The following CDH12 variants were observed in gnomAD, a reference collection of about 807,000 sequenced individuals.
CDH12 encodes the protein cadherin-12.
CDH12 carries 41 observed loss-of-function variants against 74.1 expected under a neutral mutation model. The observed-to-expected ratio is 0.55, with a 90% CI of 0.43 to 0.72. The LOEUF is 0.72. CDH12 is among the 30% of genes least tolerant of loss of function. The pLI, the probability that CDH12 is intolerant of heterozygous loss-of-function variation, is 0.00. For missense variants in CDH12, 945 were observed against 977.2 expected, an observed-to-expected ratio of 0.97 and a Z score of 0.44; for synonymous variants, 399 against 355.0, an observed-to-expected ratio of 1.12 and a Z score of -1.39.
intron 4 of CDH12, among the ~76,000 whole-genome samples, chr5:22,204,981 C>G (rs1751139973): frequency 6.6e-6 from 1 of 152,166 alleles, no homozygotes; most frequent in Non-Finnish European, 1.5e-5. Context: ...GCATATTATG[C>G]ATAGGAACTA....
Position 22,191,206 on chromosome 5 carries a change from C to A in CDH12, c.-187+21292G>T, listed in dbSNP as rs948093718. On this transcript the variant is annotated intron_variant, in intron 4 of 14. Transcript: ENST00000382254. ...TTCCCTCTTCATCTAGTAAACTGCA[C>A]ATCCTCAGATCTCTGGCCATCAATT... Among the ~76,000 whole-genome samples the A allele has an allele frequency of 2.0e-5, 3 of 152,040 alleles. No homozygotes were observed. The South Asian group carries it at 6.2e-4, about 32-fold the overall frequency.
chr5:21,854,777 G>A lies in CDH12; in HGVS notation c.540C>T (p.Leu180=). 1 of 1,609,380 alleles carries A rather than the reference G, an allele frequency of 6.2e-7. No homozygotes were observed. The highest frequency in any genetic ancestry group is 8.5e-7 in the Non-Finnish European group (1 of 1,177,298). Residue 180 remains leucine (L), a synonymous_variant, in exon 7 of 15, where the codon CTC becomes CTT. Transcript: ENST00000382254. Reference sequence around the variant, plus strand: ...CATCTGCATCTGTGGCCTTGACCTGGAGTACATATGCACCTGGAAAATAAG... The same window carrying A: ...CATCTGCATCTGTGGCCTTGACCTGAAGTACATATGCACCTGGAAAATAAG... ...PEMSPVGAYV[L]QVKATDADDP... is the part of the protein sequence containing the mutation.
intron 5 of CDH12, among the ~76,000 whole-genome samples, chr5:21,990,518 C>T (rs1329265166): frequency 6.6e-6 from 1 of 151,754 alleles, no homozygotes; most frequent in Non-Finnish European, 1.5e-5. Flanking sequence ...AATTTGGCTT[C>T]ACAGTTTGTT....
At chr5:22,395,550 A>G (rs1018784657) in intron 3 of CDH12, among the ~76,000 whole-genome samples, 5 of 152,164 alleles carry the variant, frequency 3.3e-5, no homozygotes, top group African/African-American at 1.2e-4. Context: ...AGTGTCTGAC[A>G]TAATACAACT....
chr5:22,333,020 T>A (rs186105923), intron 3 of CDH12, among the ~76,000 whole-genome samples: 1 of 152,294 alleles, frequency 6.6e-6, no homozygotes, highest in Admixed American at 6.5e-5. Context: ...TGCACACATA[T>A]GTTTATTGCA....
At chr5:22,366,681 G>T (rs2126325111) in intron 3 of CDH12, among the ~76,000 whole-genome samples, 1 of 152,232 alleles carries the variant, frequency 6.6e-6, no homozygotes, top group Admixed American at 6.5e-5. Flanking sequence ...TGGAATGGAT[G>T]GATGGGAGGA....
intron 1 of CDH12, among the ~76,000 whole-genome samples, chr5:22,815,875 A>C (rs1381366144): frequency 6.6e-6 from 1 of 152,004 alleles, no homozygotes; most frequent in Non-Finnish European, 1.5e-5. Flanking sequence ...CTGCTACTTG[A>C]AAGAGAAAGA....
At chr5:22,552,994 G>A (rs1048128193) in intron 1 of CDH12, among the ~76,000 whole-genome samples, 1 of 152,078 alleles carries the variant, frequency 6.6e-6, no homozygotes, top group African/African-American at 2.4e-5. Context: ...TGGTTAACTT[G>A]TATCTTTTAA....
intron 1 of CDH12, among the ~76,000 whole-genome samples, chr5:22,741,553 C>T (rs553688104): frequency 1.8e-4 from 27 of 152,112 alleles, no homozygotes; most frequent in African/African-American, 6.5e-4. Context: ...TTGGAGGTTG[C>T]CTTTCAGCCT....
chr5:22,177,397 C>A (rs1047059456), intron 4 of CDH12, among the ~76,000 whole-genome samples: 1 of 151,966 alleles, frequency 6.6e-6, no homozygotes, highest in African/African-American at 2.4e-5. Flanking sequence ...GAACTTAGTG[C>A]CTGAAAACCT....
intron 4 of CDH12, among the ~76,000 whole-genome samples, chr5:22,122,240 T>C (rs1055112124): frequency 1.3e-5 from 2 of 151,982 alleles, no homozygotes; most frequent in South Asian, 4.2e-4. Flanking sequence ...CCGTCTCTAC[T>C]AAAAATACAA....
intron 3 of CDH12, among the ~76,000 whole-genome samples, chr5:22,274,697 A>G (rs535376200): frequency 1.8e-4 from 28 of 152,234 alleles, no homozygotes; most frequent in African/African-American, 6.3e-4. Context: ...AATATATATG[A>G]TGAACTATAA....
At chr5:22,650,663 T>C (rs1739688458) in intron 1 of CDH12, among the ~76,000 whole-genome samples, 1 of 152,054 alleles carries the variant, frequency 6.6e-6, no homozygotes, top group Non-Finnish European at 1.5e-5. Flanking sequence ...TGTTAACCCC[T>C]TTCATCTTGT....
chr5:22,811,832 T>A (rs1324833306), intron 1 of CDH12, among the ~76,000 whole-genome samples: 5 of 152,054 alleles, frequency 3.3e-5, no homozygotes, highest in Non-Finnish European at 5.9e-5. Flanking sequence ...GACCAGTGAC[T>A]TCTACAGAAG....
chr5:22,093,825 A>G (rs1396475147), intron 4 of CDH12, among the ~76,000 whole-genome samples: 1 of 152,190 alleles, frequency 6.6e-6, no homozygotes, highest in Non-Finnish European at 1.5e-5. Context: ...TAGACTTCAG[A>G]CTCAAGATTT....
At chr5:22,094,310 G>A (rs1743614238) in intron 4 of CDH12, among the ~76,000 whole-genome samples, 1 of 152,182 alleles carries the variant, frequency 6.6e-6, no homozygotes, top group Non-Finnish European at 1.5e-5. Flanking sequence ...CTGCAAGCAA[G>A]AAGAGCTCTT....
At chr5:21,891,431 C>T (rs568490060) in intron 6 of CDH12, among the ~76,000 whole-genome samples, 2 of 152,090 alleles carry the variant, frequency 1.3e-5, no homozygotes, top group East Asian at 3.9e-4. Flanking sequence ...TTTTGCTTTC[C>T]ATTACAGAGA....
intron 7 of CDH12, among the ~76,000 whole-genome samples, chr5:21,854,393 AGTAGAC>A (rs1051574708): frequency 6.6e-6 from 1 of 151,760 alleles, no homozygotes; most frequent in Non-Finnish European, 1.5e-5. Context: ...TTTGTTTTAA[AGTAGAC>A]TTTTGAAAAT....
At chr5:21,882,036 A>T (rs1297560800) in intron 6 of CDH12, among the ~76,000 whole-genome samples, 1 of 152,254 alleles carries the variant, frequency 6.6e-6, no homozygotes, top group Non-Finnish European at 1.5e-5. Context: ...TAAAATGAAA[A>T]CTAGATTACA....
Sources: allele counts gnomAD v4.1 joint callset (sites outside exome capture counted in the v4.1 genomes callset), GRCh38; gene constraint gnomAD v4.1.1; transcripts MANE v1.5; gene names NCBI Gene and HGNC (gene_info 2026-07-23, HGNC 2026-07-21).